OCM2: variants seen among roughly 807,000 people sequenced by gnomAD.
OCM2 encodes oncomodulin-2.
In OCM2, 6 loss-of-function variants were observed where a neutral mutation model predicts 13.6. The observed-to-expected ratio is 0.44, with a 90% CI of 0.24 to 0.87. The LOEUF is 0.87. Among genes scored for constraint, OCM2 ranks in the 40% least tolerant of loss-of-function variants. The probability of loss-of-function intolerance (pLI) is 0.22; values close to 1 mark genes in which losing one functional copy is unlikely to be tolerated. For synonymous variants in OCM2, 40 were observed against 50.7 expected (o/e 0.79, Z 0.90); for missense variants, 118 against 136.8 (o/e 0.86, Z 0.68).
chr7:97,985,284 T>C (rs1179815511), intron 3 of OCM2, among the ~76,000 whole-genome samples: 1 of 151,808 alleles, frequency 6.6e-6, no homozygotes, highest in Non-Finnish European at 1.5e-5. Flanking sequence ...CCGGGCGTGG[T>C]GGCATGTGCC....
At chr7:97,986,296 A>G (rs972480594) in intron 3 of OCM2, among the ~76,000 whole-genome samples, 19 of 146,888 alleles carry the variant, frequency 1.3e-4, no homozygotes, top group Non-Finnish European at 2.4e-4. Flanking sequence ...CCATGTAGTA[A>G]GCGATAGTGG....
rs139981986 is a variant in OCM2, at chr7:97,990,089, C to T, written c.16G>A (p.Val6Met). Residue 6 changes from valine to methionine, a missense_variant, in exon 1 of 4, where the codon GTG becomes ATG. Val to Met is a conservative substitution (Grantham distance 21, BLOSUM62 1). Coordinates refer to ENST00000257627, the Ensembl canonical transcript of OCM2. Reference sequence around the variant, plus strand: ...GCTGCAATGTCATCAGCACTGAGCACGTCCGTGATGCTCATTTTCTACCTA... The same window carrying T: ...GCTGCAATGTCATCAGCACTGAGCATGTCCGTGATGCTCATTTTCTACCTA... The T allele has an allele frequency of 5.5e-5, 88 of 1,609,558 alleles. No individual in the cohort carries two copies. Among genetic ancestry groups the T allele is most frequent in the African/African-American group, 5.4e-4 (40 of 74,736 alleles).
At chr7:97,988,275 T>A (rs1489689072) in intron 2 of OCM2, 141 bp downstream of exon 2, 10 of 994,090 alleles carry the variant, frequency 1.0e-5, no homozygotes, top group African/African-American at 1.6e-5. Flanking sequence ...AACTGACTCA[T>A]GTCCTTTGCT....
chr7:97,984,734 G>C (rs1376093507), exon 4 of OCM2: 1 of 549,756 alleles, frequency 1.8e-6, no homozygotes, highest in African/African-American at 1.9e-5. Context: ...TTGCCTGTTG[G>C]GGGAAGGGGG....
intron 2 of OCM2, 132 bp from the exon 3 acceptor site, chr7:97,987,288 A>C: frequency 1.0e-6 from 1 of 980,592 alleles, no homozygotes; most frequent in Non-Finnish European, 1.5e-6. Flanking sequence ...TTAGCAAGCA[A>C]AGGTTTCCTT....
chr7:97,988,570 A>C (rs771550212), intron 1 of OCM2, 22 bp from the exon 2 acceptor site: 2 of 1,614,046 alleles, frequency 1.2e-6, no homozygotes, highest in Non-Finnish European at 1.7e-6. Context: ...AGAATGGGTT[A>C]TTCTGACACT....
chr7:97,988,144 T>A (rs1794690491), intron 2 of OCM2, among the ~76,000 whole-genome samples: 1 of 151,168 alleles, frequency 6.6e-6, no homozygotes. Context: ...GGAGCTGAGA[T>A]CACCCCACTG....
At chr7:97,988,548 T>C in exon 2 of OCM2, 2 of 1,614,154 alleles carry the variant, frequency 1.2e-6, no homozygotes, top group Non-Finnish European at 1.7e-6. Context: ...AGTGTCTGGG[T>C]CTGAAGAACA....
At chr7:97,986,299 G>C (rs556220426) in intron 3 of OCM2, among the ~76,000 whole-genome samples, 1 of 143,988 alleles carries the variant, frequency 6.9e-6, no homozygotes, top group African/African-American at 2.7e-5. Context: ...TGTAGTAAGC[G>C]ATAGTGGTAT....
chr7:97,986,563 T>C (rs1025397636), intron 3 of OCM2, among the ~76,000 whole-genome samples: 7 of 152,208 alleles, frequency 4.6e-5, no homozygotes, highest in African/African-American at 1.2e-4. Context: ...CTCTGTTTAA[T>C]ATTATCCCCT....
chr7:97,987,061 T>C (rs758175573), exon 3 of OCM2: 1 of 1,613,446 alleles, frequency 6.2e-7, no homozygotes, highest in Admixed American at 1.7e-5. Context: ...TGCTCCAATT[T>C]TCCCATCTCC....
chr7:97,986,667 T>A (rs1335447520), intron 3 of OCM2, among the ~76,000 whole-genome samples: 1 of 152,202 alleles, frequency 6.6e-6, no homozygotes, highest in Non-Finnish European at 1.5e-5. Flanking sequence ...TCTGAGGATG[T>A]AAATCTTTCC....
At chr7:97,989,981 T>C in intron 1 of OCM2, 63 bp downstream of exon 1, 1 of 1,564,002 alleles carries the variant, frequency 6.4e-7, no homozygotes, top group Non-Finnish European at 8.8e-7. Context: ...TTTGATTTTG[T>C]GTTGCCTCGC....
intron 3 of OCM2, among the ~76,000 whole-genome samples, chr7:97,986,581 C>G (rs1794673958): frequency 6.6e-6 from 1 of 152,152 alleles, no homozygotes; most frequent in African/African-American, 2.4e-5. Context: ...CCTTGGCGGG[C>G]TAATGTCCAA....
chr7:97,984,707 G>C, exon 4 of OCM2: 1 of 519,546 alleles, frequency 1.9e-6, no homozygotes, highest in East Asian at 3.1e-5. Context: ...GTCTTTATTG[G>C]GTGATTTTTA....
chr7:97,990,015 A>AGG, intron 1 of OCM2, 29 bp downstream of exon 1: 101 of 780,722 alleles, frequency 1.3e-4, no homozygotes, highest in Non-Finnish European at 2.0e-4. Context: ...CTGTGAGGAA[A>AGG]TCCCACCCCC....
Position 97,989,752 on chromosome 7 carries a change from G to A in OCM2, c.61+292C>T, listed in dbSNP as rs182908015. ...GTAGACAGAGTCTACAAAAAAGGCC[G>A]GGTTCAAGCAATTCTCAGCCTCAGC... On this transcript the variant is annotated intron_variant, in intron 1 of 3. Coordinates refer to ENST00000257627, the Ensembl canonical transcript of OCM2. Among the ~76,000 whole-genome samples, 976 of 150,458 alleles carry A rather than the reference G, an allele frequency of 6.5e-3. 6 individuals are homozygous for A. The highest frequency in any genetic ancestry group is 0.023 in the African/African-American group (927 of 40,826).
At chr7:97,988,666 A>C in intron 1 of OCM2, 118 bp from the exon 2 acceptor site, 1 of 1,363,456 alleles carries the variant, frequency 7.3e-7, no homozygotes, top group African/African-American at 1.4e-5. Context: ...AGCTACGGGG[A>C]TGCTCAACTG....
chr7:97,988,107 C>T lies in OCM2; in HGVS notation c.194+309G>A, dbSNP rs186226855. ...TTGGGAGACTGAGGCATGAGAATCA[C>T]TTGAGTTTGGAAGGCGGAGGCTGCA... On this transcript the variant is annotated intron_variant, in intron 2 of 3. Coordinates refer to ENST00000257627, the Ensembl canonical transcript of OCM2. Among the ~76,000 whole-genome samples the T allele has an allele frequency of 6.8e-3, 1,034 of 152,006 alleles. 6 individuals carry two copies. The highest frequency in any genetic ancestry group is 0.024 in the African/African-American group (979 of 41,452).
Sources: gnomAD v4.1 joint callset for allele counts (sites outside exome capture counted in the v4.1 genomes callset) on GRCh38, gnomAD v4.1.1 for gene constraint, MANE v1.5 for transcripts, NCBI Gene and HGNC (gene_info 2026-07-23, HGNC 2026-07-21) for gene names.